The following SLC12A1 variants were observed in gnomAD, a reference collection of about 807,000 sequenced individuals.
SLC12A1 encodes the protein solute carrier family 12 member 1.
SLC12A1 carries 89 observed loss-of-function variants against 130.4 expected under a neutral mutation model. The ratio of observed to expected loss-of-function variants is 0.68; its 90% confidence interval spans 0.58 to 0.81. The LOEUF (loss-of-function observed/expected upper bound fraction) is 0.81, where lower values mean the gene tolerates loss of function less well. SLC12A1 is among the 40% of genes least tolerant of loss of function. The pLI, the probability that SLC12A1 is intolerant of heterozygous loss-of-function variation, is 0.00. For missense variants in SLC12A1, 1,310 were observed against 1,336.4 expected (o/e 0.98, Z 0.31); for synonymous variants, 499 against 460.0 (o/e 1.08, Z -1.09).
At position 48,241,515 on chromosome 15, in the gene SLC12A1, G is replaced by A; in HGVS notation, c.1216G>A (p.Asp406Asn). Residue 406 changes from aspartate to asparagine, a missense_variant and splice_region_variant, in exon 10 of 27, where the codon GAT becomes AAT. Physicochemically the swap from Asp to Asn is conservative, Grantham distance 23 (BLOSUM62 1). Coordinates refer to ENST00000380993, the MANE Select transcript of SLC12A1 (RefSeq NM_000338.3). Reference sequence around the variant, plus strand: ...CTACCTCCACATTATTTTTTTAAAGGATCCCCAAGATGCCATCCCCAGAGG... The same window carrying A: ...CTACCTCCACATTATTTTTTTAAAGAATCCCCAAGATGCCATCCCCAGAGG... ...AGANISGDLE[D>N]PQDAIPRGTM... 1 of 1,610,120 alleles carries A rather than the reference G, an allele frequency of 6.2e-7. No homozygotes were observed.
At chr15:48,229,707 G>A (rs1192110933) in intron 6 of SLC12A1, among the ~76,000 whole-genome samples, 1 of 152,182 alleles carries the variant, frequency 6.6e-6, no homozygotes, top group African/African-American at 2.4e-5. Flanking sequence ...TATGATTATG[G>A]TTATAGATTT....
intron 21 of SLC12A1, among the ~76,000 whole-genome samples, chr15:48,286,826 C>T (rs1274458968): frequency 3.3e-5 from 5 of 152,182 alleles, no homozygotes; most frequent in South Asian, 2.1e-4. Flanking sequence ...GAGTTCTAGA[C>T]GAGAACCAAT....
chr15:48,233,714 A>G (rs2041406206), intron 8 of SLC12A1, among the ~76,000 whole-genome samples: 1 of 151,840 alleles, frequency 6.6e-6, no homozygotes, highest in Non-Finnish European at 1.5e-5. Flanking sequence ...GATATCACAT[A>G]CCTCTTTCTT....
chr15:48,240,071 CCATA>C (rs2041494041), intron 9 of SLC12A1, among the ~76,000 whole-genome samples: 1 of 36,428 alleles, frequency 2.7e-5, no homozygotes, highest in East Asian at 7.8e-4. Flanking sequence ...ATATATATAT[CCATA>C]TATATATATA....
intron 20 of SLC12A1, among the ~76,000 whole-genome samples, chr15:48,277,646 G>C (rs1451326700): frequency 1.3e-5 from 2 of 152,214 alleles, no homozygotes; most frequent in African/African-American, 4.8e-5. Context: ...AAGTCTCCAA[G>C]GTACAGGAGC....
At chr15:48,271,117 C>G (rs1164596461) in intron 19 of SLC12A1, among the ~76,000 whole-genome samples, 3 of 151,772 alleles carry the variant, frequency 2.0e-5, no homozygotes, top group Non-Finnish European at 4.4e-5. Context: ...GAGGCTGAGG[C>G]AGGAGAATTA....
chr15:48,208,659 T>C (rs1289979698), intron 2 of SLC12A1, among the ~76,000 whole-genome samples: 1 of 152,188 alleles, frequency 6.6e-6, no homozygotes, highest in Non-Finnish European at 1.5e-5. Flanking sequence ...GAATTAACTC[T>C]AAATGTTAGG....
chr15:48,274,317 A>T (rs2041927931), intron 19 of SLC12A1, among the ~76,000 whole-genome samples: 1 of 152,206 alleles, frequency 6.6e-6, no homozygotes, highest in African/African-American at 2.4e-5. Context: ...TCTTAATCAA[A>T]ATTCTGATTT....
intron 16 of SLC12A1, among the ~76,000 whole-genome samples, chr15:48,258,589 T>TGTC (rs1404797332): frequency 6.6e-6 from 1 of 152,188 alleles, no homozygotes; most frequent in Non-Finnish European, 1.5e-5. Context: ...CACATTTTTC[T>TGTC]GTCTTCTTCT....
At chr15:48,219,015 G>A (rs1228472002) in intron 2 of SLC12A1, among the ~76,000 whole-genome samples, 1 of 152,022 alleles carries the variant, frequency 6.6e-6, no homozygotes, top group Non-Finnish European at 1.5e-5. Context: ...GAGGCCACAG[G>A]AAAAAACCAT....
intron 21 of SLC12A1, among the ~76,000 whole-genome samples, chr15:48,285,453 A>C (rs550243824): frequency 6.6e-6 from 1 of 152,318 alleles, no homozygotes; most frequent in East Asian, 1.9e-4. Flanking sequence ...GTACCATCTT[A>C]CTGTCAAAAA....
intron 18 of SLC12A1, among the ~76,000 whole-genome samples, chr15:48,269,072 T>C (rs1386532123): frequency 6.6e-6 from 1 of 152,172 alleles, no homozygotes; most frequent in African/African-American, 2.4e-5. Context: ...TATTGTTGAA[T>C]TAAATTTGAT....
chr15:48,238,578 G>A (rs1413800334), intron 9 of SLC12A1, among the ~76,000 whole-genome samples: 6 of 152,182 alleles, frequency 3.9e-5, no homozygotes, highest in East Asian at 1.9e-4. Flanking sequence ...GTCACAAGCC[G>A]GAGGGGCCAA....
intron 4 of SLC12A1, chr15:48,225,454 C>A (rs1430406162): frequency 6.6e-6 from 1 of 151,964 alleles, no homozygotes; most frequent in African/African-American, 2.4e-5. Context: ...CTGTCAGGTG[C>A]AATAGTGCAA....
intron 14 of SLC12A1, among the ~76,000 whole-genome samples, chr15:48,250,674 C>CCACACACACACACA (rs750040638): frequency 5.3e-5 from 3 of 56,170 alleles, no homozygotes; most frequent in African/African-American, 1.8e-4. Context: ...AAAATGTCTG[C>CCACACACACACACA]CTCACACACA....
intron 20 of SLC12A1, among the ~76,000 whole-genome samples, chr15:48,276,784 G>C (rs576942916): frequency 6.6e-6 from 1 of 152,062 alleles, no homozygotes; most frequent in Admixed American, 6.6e-5. Flanking sequence ...CCAAGGACTC[G>C]AAAGTGTAGG....
chr15:48,288,544 G>A (rs368103811), intron 23 of SLC12A1, 28 bp downstream of exon 23: 132 of 1,044,110 alleles, frequency 1.3e-4, no homozygotes, highest in Non-Finnish European at 1.5e-4. Context: ...CACATGTTAG[G>A]TCATTTCAGA....
intron 16 of SLC12A1, 106 bp from the exon 17 acceptor site, chr15:48,259,094 G>T (rs924470653): frequency 2.9e-6 from 2 of 695,402 alleles, no homozygotes; most frequent in Non-Finnish European, 5.1e-6. Context: ...TAGGGGAGAG[G>T]TTGCCCCATT....
rs779538056 is a variant in SLC12A1, at chr15:48,285,230, T to A, written c.2610T>A (p.Thr870=). The A allele has an allele frequency of 5.6e-6, 9 of 1,613,808 alleles. No homozygotes were observed. The South Asian group carries it at 9.9e-5, about 18-fold the overall frequency. Residue 870 remains threonine, a synonymous_variant, in exon 21 of 27, where the codon ACT becomes ACA. Coordinates refer to ENST00000380993, the MANE Select transcript of SLC12A1 (RefSeq NM_000338.3). Reference sequence around the variant, plus strand: ...AAAAAGCTGGCAAGTTGAACATTACTAAGACAACGCCTAAAAAAGGTAAGA... The same window carrying A: ...AAAAAGCTGGCAAGTTGAACATTACAAAGACAACGCCTAAAAAAGGTAAGA... ...LFKKAGKLNI[T]KTTPKKDGSI... is the part of the protein sequence containing the mutation.
Sources: gnomAD v4.1 joint callset for allele counts (sites outside exome capture counted in the v4.1 genomes callset) on GRCh38, gnomAD v4.1.1 for gene constraint, MANE v1.5 for transcripts, NCBI Gene and HGNC (gene_info 2026-07-23, HGNC 2026-07-21) for gene names.